The following FSTL4 variants were observed in gnomAD, a reference collection of about 807,000 sequenced individuals.
The protein encoded by FSTL4 is follistatin-related protein 4.
In FSTL4, 28 loss-of-function variants were observed where a neutral mutation model predicts 78.2. The observed-to-expected ratio is 0.36, with a 90% confidence interval of 0.27 to 0.49. FSTL4 has a LOEUF of 0.49. FSTL4 is among the 20% of genes least tolerant of loss of function. FSTL4 has a pLI of 0.98. For missense variants in FSTL4, 922 were observed against 1,084.9 expected, an observed-to-expected ratio of 0.85 and a Z score of 2.11; for synonymous variants, 422 against 440.5, an observed-to-expected ratio of 0.96 and a Z score of 0.53.
the FSTL4 span, among the ~76,000 whole-genome samples, chr5:133,747,386 C>G: frequency 6.6e-6 from 1 of 152,188 alleles, no homozygotes; most frequent in African/African-American, 2.4e-5. Flanking sequence ...CTGTGGCACC[C>G]GGTAATTTAG....
At chr5:133,366,304 A>G (rs560551557) in intron 4 of FSTL4, among the ~76,000 whole-genome samples, 1 of 151,426 alleles carries the variant, frequency 6.6e-6, no homozygotes, top group Admixed American at 6.6e-5. Context: ...AGCCATTGAA[A>G]CTCCGCATTG....
chr5:133,621,120 G>A, the FSTL4 span, among the ~76,000 whole-genome samples: 208 of 152,276 alleles, frequency 1.4e-3, 2 homozygotes, highest in African/African-American at 4.4e-3. Context: ...AGAGCATTTG[G>A]CCGGGCTTGG....
At chr5:133,295,218 A>G (rs534169884) in intron 6 of FSTL4, among the ~76,000 whole-genome samples, 1 of 152,070 alleles carries the variant, frequency 6.6e-6, no homozygotes, top group South Asian at 2.1e-4. Context: ...ACGTCTGCAC[A>G]CGCACCCACC....
chr5:133,559,363 G>A (rs1009750331), intron 3 of FSTL4, among the ~76,000 whole-genome samples: 6 of 152,176 alleles, frequency 3.9e-5, no homozygotes, highest in Non-Finnish European at 7.3e-5. Flanking sequence ...GTCAAGTAAC[G>A]AAGATGACAA....
At chr5:133,745,843 C>A in the FSTL4 span, among the ~76,000 whole-genome samples, 3 of 152,238 alleles carry the variant, frequency 2.0e-5, no homozygotes, top group Non-Finnish European at 1.5e-5. Flanking sequence ...GACAACATTA[C>A]CCCTGCAGGG....
chr5:133,560,555 G>C (rs533557841), intron 3 of FSTL4, among the ~76,000 whole-genome samples: 1 of 151,960 alleles, frequency 6.6e-6, no homozygotes, highest in Non-Finnish European at 1.5e-5. Context: ...AGTAGAGACG[G>C]GGTTTTCACC....
At chr5:133,467,252 ATG>A (rs1245655770) in intron 3 of FSTL4, among the ~76,000 whole-genome samples, 4 of 124,356 alleles carry the variant, frequency 3.2e-5, no homozygotes, top group Non-Finnish European at 6.6e-5. Context: ...GAATGAGTAT[ATG>A]TGAGTGTGTG....
At chr5:133,471,243 T>C (rs71585585) in intron 3 of FSTL4, among the ~76,000 whole-genome samples, 1 of 152,204 alleles carries the variant, frequency 6.6e-6, no homozygotes, top group African/African-American at 2.4e-5. Flanking sequence ...CGCACCTCAA[T>C]TGCCTCACTC....
At chr5:133,395,180 C>T (rs1275420802) in intron 4 of FSTL4, among the ~76,000 whole-genome samples, 1 of 152,060 alleles carries the variant, frequency 6.6e-6, no homozygotes, top group Admixed American at 6.5e-5. Flanking sequence ...AACCTGGGTC[C>T]CCTTCCACCC....
At chr5:133,752,589 G>A in the FSTL4 span, among the ~76,000 whole-genome samples, 5 of 152,002 alleles carry the variant, frequency 3.3e-5, 1 homozygote, top group South Asian at 4.2e-4. Flanking sequence ...CAGCCTAGGC[G>A]ACAGAGCGAG....
chr5:133,480,222 C>T (rs1758000814), intron 3 of FSTL4, among the ~76,000 whole-genome samples: 1 of 152,228 alleles, frequency 6.6e-6, no homozygotes, highest in African/African-American at 2.4e-5. Flanking sequence ...ACTAACTGGC[C>T]TGATGCCCTT....
intron 4 of FSTL4, among the ~76,000 whole-genome samples, chr5:133,389,697 T>C (rs182764831): frequency 2.6e-5 from 4 of 152,328 alleles, no homozygotes; most frequent in Admixed American, 2.6e-4. Flanking sequence ...CCCCAAATCA[T>C]TGGACAAGCT....
intron 3 of FSTL4, among the ~76,000 whole-genome samples, chr5:133,511,167 G>T (rs1016202464): frequency 6.6e-6 from 1 of 152,122 alleles, no homozygotes; most frequent in Non-Finnish European, 1.5e-5. Flanking sequence ...GCTCCTCTGG[G>T]TCCCTCAACC....
chr5:133,707,729 G>T, the FSTL4 span, among the ~76,000 whole-genome samples: 6 of 152,086 alleles, frequency 3.9e-5, no homozygotes, highest in African/African-American at 7.2e-5. Flanking sequence ...AGTTTGTAAG[G>T]CCCCATAGGG....
the FSTL4 span, among the ~76,000 whole-genome samples, chr5:133,763,642 C>G: frequency 1.3e-5 from 2 of 152,272 alleles, no homozygotes; most frequent in Non-Finnish European, 2.9e-5. Context: ...TCCCCAAGTA[C>G]CTTCATTTTA....
chr5:133,661,327 T>C, the FSTL4 span, among the ~76,000 whole-genome samples: 4 of 152,164 alleles, frequency 2.6e-5, no homozygotes, highest in Non-Finnish European at 5.9e-5. Flanking sequence ...CACTATGACC[T>C]TGGGAAAACC....
chr5:133,377,599 T>G (rs1755467170), intron 4 of FSTL4, among the ~76,000 whole-genome samples: 1 of 151,740 alleles, frequency 6.6e-6, no homozygotes, highest in Non-Finnish European at 1.5e-5. Flanking sequence ...GGACAGCTAG[T>G]TTACTAGGGA....
chr5:133,641,364 T>C, the FSTL4 span, among the ~76,000 whole-genome samples: 1 of 152,228 alleles, frequency 6.6e-6, no homozygotes, highest in South Asian at 2.1e-4. Context: ...TTATTCTAGA[T>C]ATTCTGGAAT....
chr5:133,274,341 C>A (rs1437040528), intron 6 of FSTL4, among the ~76,000 whole-genome samples: 1 of 124,352 alleles, frequency 8.0e-6, no homozygotes. Context: ...AAATGCTGTG[C>A]TTATTAATAT....
Sources: gnomAD v4.1 joint callset for allele counts (sites outside exome capture counted in the v4.1 genomes callset) on GRCh38, gnomAD v4.1.1 for gene constraint, MANE v1.5 for transcripts, NCBI Gene and HGNC (gene_info 2026-07-23, HGNC 2026-07-21) for gene names.